The following LIMK2 variants were observed in gnomAD, a reference collection of about 807,000 sequenced individuals.
LIMK2 encodes LIM domain kinase 2.
In LIMK2, 35 loss-of-function variants were observed where a neutral mutation model predicts 75.7. The observed-to-expected ratio is 0.46, with a 90% CI of 0.35 to 0.61. The LOEUF (loss-of-function observed/expected upper bound fraction) is 0.61. LIMK2 is among the 20% of genes least tolerant of loss of function. LIMK2 has a pLI of 0.00. For missense variants in LIMK2, 623 were observed against 831.0 expected (o/e 0.75, Z 3.08); for synonymous variants, 301 against 319.2 (o/e 0.94, Z 0.61).
chr22:31,231,222 G>A (rs1286162137), intron 2 of LIMK2, among the ~76,000 whole-genome samples: 1 of 152,230 alleles, frequency 6.6e-6, no homozygotes, highest in Admixed American at 6.5e-5. Flanking sequence ...CACACTGGTA[G>A]TGTCAGATAA....
chr22:31,276,465 CCCCGGCGGCGGCCG>C (rs2049017944), intron 15 of LIMK2, among the ~76,000 whole-genome samples: 2 of 149,560 alleles, frequency 1.3e-5, no homozygotes, highest in Admixed American at 6.7e-5. Flanking sequence ...GCGGCGGCAG[CCCCGGCGGCGGCCG>C]CAGGGGACAA....
Position 31,271,165 on chromosome 22 carries a change from CCGGG to C in LIMK2, c.1348_1351del (p.Arg450IlefsTer2). On this transcript the variant is annotated frameshift_variant, in exon 12 of 16. Coordinates refer to ENST00000331728, the MANE Select transcript of LIMK2 (RefSeq NM_005569.4). LOFTEE classifies it high-confidence loss of function. ...ATTTGCACTCTATGTGCATCATCCACCGGGATCTGAACTCGCACAACTGCCTCAT... is the reference window on the plus strand; with the variant it reads ...ATTTGCACTCTATGTGCATCATCCACATCTGAACTCGCACAACTGCCTCAT... 6.2e-7 allele frequency: 1 copy of C among 1,614,116 alleles called. No individual in the cohort carries two copies. The highest frequency in any genetic ancestry group is 8.5e-7 in the Non-Finnish European group (1 of 1,180,004).
rs2048804414 is a variant in LIMK2 at position 31,258,293 on chromosome 22, G to A, written c.119G>A (p.Cys40Tyr). 6.2e-7 allele frequency: 1 copy of A among 1,601,888 alleles called. No individual in the cohort carries two copies. Among genetic ancestry groups the A allele is most frequent in the Admixed American group, 1.7e-5 (1 of 59,190 alleles). ...TCAGTTCTTGTCTTGCCTTTCAGGT[G>A]TTCAGAATGCCAGGATTCCCTCACC... ...NETWHGSCFRCSECQDSLTNW... is the reference protein window; with the variant it reads ...NETWHGSCFRYSECQDSLTNW... Residue 40 changes from cysteine to tyrosine, a missense_variant and splice_region_variant, in exon 3 of 16, where the codon TGT becomes TAT. Cys to Tyr is a radical substitution (Grantham distance 194, BLOSUM62 -2). Coordinates refer to ENST00000331728, the MANE Select transcript of LIMK2 (RefSeq NM_005569.4).
In LIMK2 at chr22:31,277,188, C is replaced by T. The variant is rs369451698; in HGVS notation, c.1773-1109C>T. The T allele has an allele frequency of 1.0e-4, 162 of 1,610,580 alleles. 2 individuals carry two copies. The highest frequency in any genetic ancestry group is 9.4e-4 in the Admixed American group (56 of 59,868). On this transcript the variant is annotated intron_variant, in intron 15 of 15. Coordinates refer to ENST00000331728, the MANE Select transcript of LIMK2 (RefSeq NM_005569.4). The stretch of plus-strand genomic sequence containing the variant: ...GTGGCTCCCATAGGACAATCGCTAC[C>T]CCCCGACCTCGTAGCAACAGCAATA...
At chr22:31,241,453 C>G (rs1175213029) in intron 2 of LIMK2, among the ~76,000 whole-genome samples, 2 of 152,178 alleles carry the variant, frequency 1.3e-5, no homozygotes, top group African/African-American at 2.4e-5. Context: ...GGGAGTCCCC[C>G]AAACCTTTGC....
chr22:31,253,787 A>T (rs2048749501), intron 2 of LIMK2, among the ~76,000 whole-genome samples: 1 of 152,242 alleles, frequency 6.6e-6, no homozygotes, highest in Non-Finnish European at 1.5e-5. Context: ...CTGCTACCGT[A>T]GGGTTGTCAG....
chr22:31,228,685 C>A (rs1046844163), intron 2 of LIMK2, among the ~76,000 whole-genome samples: 22 of 152,270 alleles, frequency 1.4e-4, no homozygotes, highest in African/African-American at 4.8e-4. Context: ...GTAATCCTAG[C>A]ACTCTGGGAG....
At chr22:31,255,977 T>C (rs2048774397) in intron 2 of LIMK2, among the ~76,000 whole-genome samples, 1 of 109,700 alleles carries the variant, frequency 9.1e-6, no homozygotes, top group Admixed American at 1.1e-4. Flanking sequence ...CTATATTGGG[T>C]CTTTTTTTTT....
chr22:31,262,577 T>G lies in LIMK2; in HGVS notation c.658-18T>G. On this transcript the variant is annotated intron_variant, in intron 6 of 15. Coordinates refer to ENST00000331728, the MANE Select transcript of LIMK2 (RefSeq NM_005569.4). This position sits in a 1 kb window ranked among gnomAD's most constrained non-coding sequence, Gnocchi z 5.0. ...GATGGGGCAGCCTGTGGGAGCTTTA[T>G]ACTGCTCTTGGCCACAGGTGGAGGA... 1 of 1,602,220 alleles carries G rather than the reference T, an allele frequency of 6.2e-7. No homozygotes were observed. Among genetic ancestry groups the G allele is most frequent in the Non-Finnish European group, 8.5e-7 (1 of 1,172,292 alleles).
At position 31,258,171 on chromosome 22, in the gene LIMK2, A is replaced by G. The variant is rs565879345; in HGVS notation, c.117-120A>G. The G allele has an allele frequency of 1.1e-4, 116 of 1,074,622 alleles. 1 individual carries two copies. The South Asian group carries it at 1.8e-3, about 17-fold the overall frequency. The allele number at this position is 1,074,622 out of a possible 1,614,324, so 66.6% of individuals were successfully genotyped here. ...TAGCACAAGGCTGTAACTTTGCCCC[A>G]TCTTGGCTTTGGATCAAAGAGGACT... On this transcript the variant is annotated intron_variant, in intron 2 of 15. Coordinates refer to ENST00000331728, the MANE Select transcript of LIMK2 (RefSeq NM_005569.4).
intron 15 of LIMK2, chr22:31,275,736 GA>G (rs1217125571): frequency 6.1e-6 from 1 of 163,284 alleles, no homozygotes; most frequent in Non-Finnish European, 1.3e-5. Flanking sequence ...AAATTCTATT[GA>G]GAGACTGTCT....
At chr22:31,258,670 C>T in intron 3 of LIMK2, 1 of 496,942 alleles carries the variant, frequency 2.0e-6, no homozygotes. Context: ...AGAGGAGACA[C>T]AATATAGTTG....
At chr22:31,275,846 T>G (rs1047236515) in intron 15 of LIMK2, among the ~76,000 whole-genome samples, 1 of 152,230 alleles carries the variant, frequency 6.6e-6, no homozygotes, top group Non-Finnish European at 1.5e-5. Flanking sequence ...TAATTTCTCC[T>G]TTGAGGAAGT....
chr22:31,248,676 C>T lies in LIMK2; in HGVS notation c.117-9615C>T, dbSNP rs369609817. The T allele has an allele frequency of 3.8e-5, 62 of 1,614,012 alleles. No homozygotes were observed. In the Middle Eastern group the frequency reaches 8.3e-4, roughly 21 times the overall value. ...ACAGCCGGCCTGAGGCAGTCACAGA[C>T]GGATTTGCAGCTGAGCCTGTCTATC... is the stretch of plus-strand genomic sequence containing the variant. On this transcript the variant is annotated intron_variant, in intron 2 of 15. Coordinates refer to ENST00000331728, the MANE Select transcript of LIMK2 (RefSeq NM_005569.4).
intron 2 of LIMK2, among the ~76,000 whole-genome samples, chr22:31,254,275 G>A (rs1276396455): frequency 6.6e-6 from 1 of 152,216 alleles, no homozygotes; most frequent in African/African-American, 2.4e-5. Flanking sequence ...CATGCCCTGC[G>A]GCGCACATAC....
intron 1 of LIMK2, among the ~76,000 whole-genome samples, chr22:31,217,601 G>GT (rs912374685): frequency 6.6e-6 from 1 of 152,148 alleles, no homozygotes; most frequent in African/African-American, 2.4e-5. Flanking sequence ...GCATAAAGTA[G>GT]TTTTTTTCCT....
intron 2 of LIMK2, among the ~76,000 whole-genome samples, chr22:31,227,430 CT>C (rs1230698315): frequency 2.6e-5 from 4 of 152,232 alleles, no homozygotes; most frequent in Admixed American, 2.6e-4. Flanking sequence ...CTGGAGACGT[CT>C]GGCCTCTGGA....
intron 3 of LIMK2, 103 bp downstream of exon 3, chr22:31,258,529 A>G: frequency 8.5e-7 from 1 of 1,176,238 alleles, no homozygotes; most frequent in Admixed American, 2.3e-5. Flanking sequence ...TCCATCAGCC[A>G]GGGCATCTCC....
At chr22:31,276,915 G>A (rs148512669) in intron 15 of LIMK2, 36 of 1,613,380 alleles carry the variant, frequency 2.2e-5, no homozygotes, top group Middle Eastern at 3.5e-4. Flanking sequence ...ACCTAGAGGA[G>A]TGGATCCTGG....
Sources: allele counts gnomAD v4.1 joint callset (sites outside exome capture counted in the v4.1 genomes callset), GRCh38; gene constraint gnomAD v4.1.1; non-coding constraint Gnocchi (gnomAD v3.1); transcripts MANE v1.5; gene names NCBI Gene and HGNC (gene_info 2026-07-23, HGNC 2026-07-21).